Variants in GPC5 observed in about 807,000 individuals in gnomAD.
GPC5 encodes the protein glypican-5.
A neutral mutation model predicts 53.9 loss-of-function variants in GPC5; 47 were observed. That is an observed-to-expected ratio of 0.87 (90% CI 0.69 to 1.11). GPC5 has a LOEUF of 1.11. Among genes scored for constraint, GPC5 ranks in the 50% most tolerant of loss-of-function variants. GPC5 has a pLI of 0.00. For missense variants in GPC5, 748 were observed against 713.1 expected, an observed-to-expected ratio of 1.05 and a Z score of -0.56; for synonymous variants, 286 against 263.3, an observed-to-expected ratio of 1.09 and a Z score of -0.84.
At chr13:92,194,479 C>T (rs140548746) in intron 7 of GPC5, among the ~76,000 whole-genome samples, 305 of 152,324 alleles carry the variant, frequency 2.0e-3, no homozygotes, top group African/African-American at 6.9e-3. Context: ...TTGAAAGGTG[C>T]TAGGCTACAG....
chr13:91,865,155 T>A (rs981312063), intron 5 of GPC5, among the ~76,000 whole-genome samples: 2 of 152,058 alleles, frequency 1.3e-5, no homozygotes, highest in African/African-American at 4.8e-5. Flanking sequence ...GTGGTCTGCC[T>A]GCCTTGGCCT....
At chr13:91,670,827 C>T (rs1334476506) in intron 2 of GPC5, among the ~76,000 whole-genome samples, 1 of 152,158 alleles carries the variant, frequency 6.6e-6, no homozygotes, top group African/African-American at 2.4e-5. Context: ...GTTCTGAAAA[C>T]TGAACTAACT....
chr13:91,892,713 A>G (rs1280958417), intron 5 of GPC5, among the ~76,000 whole-genome samples: 1 of 151,842 alleles, frequency 6.6e-6, no homozygotes, highest in Non-Finnish European at 1.5e-5. Flanking sequence ...TTTCTATAAA[A>G]TATAGGAAGC....
At chr13:91,472,386 T>C (rs769240329) in intron 2 of GPC5, among the ~76,000 whole-genome samples, 8 of 152,192 alleles carry the variant, frequency 5.3e-5, no homozygotes, top group Non-Finnish European at 1.0e-4. Context: ...CTTTAGACAG[T>C]TTACCTAATG....
At chr13:91,998,229 T>A (rs577115774) in intron 6 of GPC5, among the ~76,000 whole-genome samples, 1 of 152,296 alleles carries the variant, frequency 6.6e-6, no homozygotes, top group East Asian at 1.9e-4. Context: ...CCTCTTCTAT[T>A]TTTCTCTGTC....
chr13:92,253,949 C>T (rs1594039693), intron 7 of GPC5, among the ~76,000 whole-genome samples: 1 of 152,010 alleles, frequency 6.6e-6, no homozygotes, highest in Admixed American at 6.6e-5. Context: ...GGAACCACAA[C>T]GGGTTCTATA....
intron 5 of GPC5, among the ~76,000 whole-genome samples, chr13:91,852,937 C>G (rs1343565168): frequency 6.6e-6 from 1 of 152,032 alleles, no homozygotes; most frequent in Non-Finnish European, 1.5e-5. Flanking sequence ...GGACAGGCAC[C>G]ATTCTAGGCT....
intron 7 of GPC5, among the ~76,000 whole-genome samples, chr13:92,815,394 T>A (rs1225460229): frequency 6.6e-6 from 1 of 151,700 alleles, no homozygotes; most frequent in African/African-American, 2.4e-5. Context: ...AAATACAAAA[T>A]CCTGAGGCAA....
chr13:91,743,510 A>G (rs1041124978), intron 4 of GPC5, among the ~76,000 whole-genome samples: 19 of 152,262 alleles, frequency 1.2e-4, no homozygotes, highest in African/African-American at 4.3e-4. Context: ...TCAACATTTA[A>G]AATCTATCAA....
intron 7 of GPC5, among the ~76,000 whole-genome samples, chr13:92,396,306 T>A (rs1183635153): frequency 6.6e-6 from 1 of 152,176 alleles, no homozygotes; most frequent in Non-Finnish European, 1.5e-5. Flanking sequence ...ATGTTTTTTA[T>A]TTGTAGCATT....
intron 5 of GPC5, among the ~76,000 whole-genome samples, chr13:91,824,936 A>G (rs188767383): frequency 7.8e-4 from 119 of 152,212 alleles, no homozygotes; most frequent in Non-Finnish European, 1.6e-3. Context: ...TATTTCTATC[A>G]TTCTGTTTTG....
chr13:92,136,667 T>C (rs2041786993), intron 6 of GPC5, among the ~76,000 whole-genome samples: 1 of 152,228 alleles, frequency 6.6e-6, no homozygotes, highest in Non-Finnish European at 1.5e-5. Context: ...TCATTATGTA[T>C]ACTGTCTTAA....
intron 1 of GPC5, among the ~76,000 whole-genome samples, chr13:91,419,999 G>A (rs1443961587): frequency 6.6e-6 from 1 of 152,152 alleles, no homozygotes. Flanking sequence ...ACAGGTGAGT[G>A]GTTAAATTTG....
chr13:92,789,663 C>T (rs531221334), intron 7 of GPC5, among the ~76,000 whole-genome samples: 3 of 151,974 alleles, frequency 2.0e-5, no homozygotes, highest in South Asian at 2.1e-4. Flanking sequence ...GAACAAATAA[C>T]AAAACCTCAT....
intron 7 of GPC5, among the ~76,000 whole-genome samples, chr13:92,511,830 A>C (rs1367597195): frequency 6.6e-6 from 1 of 152,158 alleles, no homozygotes. Flanking sequence ...TCCTGACTTC[A>C]TCATCTCATG....
intron 2 of GPC5, among the ~76,000 whole-genome samples, chr13:91,468,347 T>C (rs1322828194): frequency 6.6e-6 from 1 of 152,164 alleles, no homozygotes; most frequent in Admixed American, 6.5e-5. Context: ...TGCTGGACTC[T>C]TCACCTCCAG....
chr13:92,679,385 T>C (rs995371756), intron 7 of GPC5, among the ~76,000 whole-genome samples: 2 of 152,172 alleles, frequency 1.3e-5, no homozygotes, highest in African/African-American at 2.4e-5. Flanking sequence ...CTATGCTTAT[T>C]AGCAGGATTT....
chr13:91,481,617 C>G lies in GPC5; in HGVS notation c.325+32695C>G, dbSNP rs563997279. On this transcript the variant is annotated intron_variant, in intron 2 of 7. Coordinates refer to ENST00000377067, the MANE Select transcript of GPC5 (RefSeq NM_004466.6). ...AACAACCTCTTGCAACTTACTCATGCCTTTGTGGGCTTTATCAGTCCTGAA... is the reference window on the plus strand; with the variant it reads ...AACAACCTCTTGCAACTTACTCATGGCTTTGTGGGCTTTATCAGTCCTGAA... 5.3e-5 allele frequency among the ~76,000 whole-genome samples: 8 copies of G among 152,228 alleles called. 1 individual carries two copies. The highest frequency in any genetic ancestry group is 4.1e-4 in the South Asian group (2 of 4,824).
chr13:91,572,199 A>ATGTATATACATG (rs2031934570), intron 2 of GPC5, among the ~76,000 whole-genome samples: 1 of 123,028 alleles, frequency 8.1e-6, no homozygotes, highest in South Asian at 2.7e-4. Context: ...ACACACACAT[A>ATGTATATACATG]TGTATATATA....
Sources: gnomAD v4.1 joint callset for allele counts (sites outside exome capture counted in the v4.1 genomes callset) on GRCh38, gnomAD v4.1.1 for gene constraint, MANE v1.5 for transcripts, NCBI Gene and HGNC (gene_info 2026-07-23, HGNC 2026-07-21) for gene names.